The following PCDH9 variants were observed in gnomAD, a reference collection of about 807,000 sequenced individuals.
PCDH9 encodes the protein protocadherin 9.
A neutral mutation model predicts 70.6 loss-of-function variants in PCDH9; 24 were observed. That is an observed-to-expected ratio of 0.34 (90% CI 0.25 to 0.48). The LOEUF is 0.48. Ranked by LOEUF, PCDH9 falls within the 20% of genes least tolerant of loss-of-function variation. The pLI is 0.99. For synonymous variants in PCDH9, 562 were observed against 558.5 expected, an observed-to-expected ratio of 1.01 and a Z score of -0.09; for missense variants, 1,281 against 1,503.6, an observed-to-expected ratio of 0.85 and a Z score of 2.45.
chr13:66,510,161 A>C (rs564072788), intron 4 of PCDH9, among the ~76,000 whole-genome samples: 4 of 152,056 alleles, frequency 2.6e-5, no homozygotes, highest in African/African-American at 9.7e-5. Context: ...TTAGTTATGA[A>C]TATACATTAT....
intron 4 of PCDH9, among the ~76,000 whole-genome samples, chr13:66,458,941 G>T (rs2138447219): frequency 6.6e-6 from 1 of 151,986 alleles, no homozygotes; most frequent in South Asian, 2.1e-4. Flanking sequence ...CTAAAGCTAG[G>T]GCCTGAGTTA....
intron 2 of PCDH9, among the ~76,000 whole-genome samples, chr13:66,961,698 T>C (rs7989919): frequency 0.27 from 41,734 of 152,160 alleles, 6,303 homozygotes; most frequent in East Asian, 0.61. Context: ...ATTTTTTGGT[T>C]AGAATGAAAT....
intron 2 of PCDH9, among the ~76,000 whole-genome samples, chr13:67,097,485 GA>G (rs775256335): frequency 4.6e-5 from 7 of 151,500 alleles, no homozygotes; most frequent in Non-Finnish European, 7.4e-5. Context: ...TTTTCACTAG[GA>G]AAAAAAATAC....
chr13:67,166,528 G>A (rs1594601786), intron 2 of PCDH9, among the ~76,000 whole-genome samples: 1 of 152,062 alleles, frequency 6.6e-6, no homozygotes, highest in African/African-American at 2.4e-5. Context: ...TAAATTACTT[G>A]GTTAGTTTCA....
chr13:66,873,999 G>A (rs925645037), intron 3 of PCDH9, among the ~76,000 whole-genome samples: 1 of 139,810 alleles, frequency 7.2e-6, no homozygotes, highest in African/African-American at 2.7e-5. Context: ...AGAGTGAAGT[G>A]GCACAGGCAT....
At chr13:67,037,622 C>T (rs982055614) in intron 2 of PCDH9, among the ~76,000 whole-genome samples, 1 of 152,104 alleles carries the variant, frequency 6.6e-6, no homozygotes, top group African/African-American at 2.4e-5. Context: ...CACTGCTATT[C>T]TTGTTACATT....
intron 2 of PCDH9, among the ~76,000 whole-genome samples, chr13:67,023,494 A>C (rs1437925376): frequency 6.6e-6 from 1 of 152,236 alleles, no homozygotes; most frequent in African/African-American, 2.4e-5. Context: ...TTTTAATTTT[A>C]ACAGATAATT....
chr13:66,355,374 C>A (rs1017707260), intron 4 of PCDH9, among the ~76,000 whole-genome samples: 7 of 152,048 alleles, frequency 4.6e-5, no homozygotes, highest in African/African-American at 9.7e-5. Context: ...AACAAGGCAA[C>A]CTCCTGCCTT....
intron 4 of PCDH9, among the ~76,000 whole-genome samples, chr13:66,530,693 G>GT (rs374370549): frequency 3.8e-4 from 57 of 151,858 alleles, no homozygotes; most frequent in African/African-American, 1.4e-3. Context: ...AGCAACATAG[G>GT]TTTTTTGTCT....
intron 3 of PCDH9, among the ~76,000 whole-genome samples, chr13:66,730,177 AT>A (rs1335812635): frequency 1.3e-5 from 2 of 152,048 alleles, no homozygotes; most frequent in East Asian, 3.9e-4. Flanking sequence ...ATATGCATTC[AT>A]TTTTTTCATA....
intron 4 of PCDH9, among the ~76,000 whole-genome samples, chr13:66,502,888 G>A (rs1043041755): frequency 5.3e-5 from 8 of 152,142 alleles, no homozygotes; most frequent in Non-Finnish European, 1.0e-4. Flanking sequence ...CAAGACCAAG[G>A]AGAAATTTAA....
intron 2 of PCDH9, among the ~76,000 whole-genome samples, chr13:67,154,601 TATATACAC>T (rs1375516053): frequency 1.1e-5 from 1 of 93,438 alleles, no homozygotes; most frequent in African/African-American, 4.3e-5. Context: ...AAAAAATATA[TATATACAC>T]ACACACACAC....
intron 3 of PCDH9, among the ~76,000 whole-genome samples, chr13:66,863,183 T>A (rs980985849): frequency 3.9e-5 from 6 of 152,212 alleles, no homozygotes; most frequent in Non-Finnish European, 8.8e-5. Flanking sequence ...AAAAACTGCT[T>A]AGATTTTAAC....
At chr13:66,904,219 G>T (rs543136374) in intron 2 of PCDH9, among the ~76,000 whole-genome samples, 226 of 152,020 alleles carry the variant, frequency 1.5e-3, no homozygotes, top group Non-Finnish European at 2.7e-3. Flanking sequence ...TAAAAAACAG[G>T]TTATCTAAAA....
intron 2 of PCDH9, chr13:67,214,505 G>A (rs939002499): frequency 4.6e-5 from 7 of 152,194 alleles, no homozygotes; most frequent in African/African-American, 1.2e-4. Flanking sequence ...GAGCTTCTGG[G>A]TAATCTATGG....
intron 3 of PCDH9, among the ~76,000 whole-genome samples, chr13:66,688,110 T>G (rs2078431871): frequency 6.6e-6 from 1 of 152,126 alleles, no homozygotes; most frequent in African/African-American, 2.4e-5. Flanking sequence ...TATACACTAT[T>G]TTCTTCATTT....
At chr13:66,727,761 T>C (rs1387428388) in intron 3 of PCDH9, among the ~76,000 whole-genome samples, 1 of 152,100 alleles carries the variant, frequency 6.6e-6, no homozygotes, top group Non-Finnish European at 1.5e-5. Context: ...GATATTGAAA[T>C]TAATATAAAC....
At chr13:66,548,372 C>T (rs1334890544) in intron 4 of PCDH9, among the ~76,000 whole-genome samples, 1 of 151,916 alleles carries the variant, frequency 6.6e-6, no homozygotes, top group Non-Finnish European at 1.5e-5. Flanking sequence ...CAAGACCAGC[C>T]TGGCCAATAT....
chr13:66,718,426 A>G (rs917931626), intron 3 of PCDH9, among the ~76,000 whole-genome samples: 3 of 152,164 alleles, frequency 2.0e-5, no homozygotes, highest in African/African-American at 2.4e-5. Context: ...GGGGATTTCA[A>G]TGTAGGACTC....
Sources: gnomAD v4.1 joint callset for allele counts (sites outside exome capture counted in the v4.1 genomes callset) on GRCh38, gnomAD v4.1.1 for gene constraint, MANE v1.5 for transcripts, NCBI Gene and HGNC (gene_info 2026-07-23, HGNC 2026-07-21) for gene names.